The following TTC28 variants were observed in gnomAD, a reference collection of about 807,000 sequenced individuals.
TTC28 encodes the protein tetratricopeptide repeat protein 28.
Under a neutral mutation model 198.0 loss-of-function variants are expected in TTC28, and 61 were observed. The ratio of observed to expected loss-of-function variants is 0.31; its 90% CI spans 0.25 to 0.38. The LOEUF (loss-of-function observed/expected upper bound fraction) is 0.38, where lower values mean the gene tolerates loss of function less well. Ranked by LOEUF, TTC28 falls within the 10% of genes least tolerant of loss-of-function variation. TTC28 has a pLI of 1.00. For missense variants in TTC28, 2,678 were observed against 3,164.0 expected (o/e 0.85, Z 3.69); for synonymous variants, 1,171 against 1,297.8 (o/e 0.90, Z 2.10).
At position 28,083,682 on chromosome 22, in the gene TTC28, C is replaced by T. The variant is rs144249326; in HGVS notation, c.3932+10398G>A. Among the ~76,000 whole-genome samples, 715 of 152,302 alleles carry T rather than the reference C, an allele frequency of 4.7e-3. 3 individuals carry two copies. The highest frequency in any genetic ancestry group is 0.016 in the African/African-American group (685 of 41,578). Reference sequence around the variant, plus strand: ...AGCAGGTGCAGGACAGCGGGTGCAGCGCACCGTGCATGAGATGAAGCAGGG... The same window carrying T: ...AGCAGGTGCAGGACAGCGGGTGCAGTGCACCGTGCATGAGATGAAGCAGGG... On this transcript the variant is annotated intron_variant, in intron 12 of 22. Coordinates refer to ENST00000397906, the MANE Select transcript of TTC28 (RefSeq NM_001145418.2).
intron 2 of TTC28, among the ~76,000 whole-genome samples, chr22:28,460,272 G>A (rs1037219894): frequency 6.6e-6 from 1 of 151,978 alleles, no homozygotes; most frequent in Non-Finnish European, 1.5e-5. Flanking sequence ...GATTGTGGTG[G>A]GATGCTTTTT....
chr22:28,067,902 G>C (rs1940825933), intron 12 of TTC28, among the ~76,000 whole-genome samples: 1 of 152,132 alleles, frequency 6.6e-6, no homozygotes, highest in Non-Finnish European at 1.5e-5. Context: ...GATTTAGGCA[G>C]CTTCAGATTT....
Position 28,222,820 on chromosome 22 carries a change from T to C in TTC28, c.934-59221A>G, listed in dbSNP as rs182020788. The stretch of plus-strand genomic sequence containing the variant: ...TGGCTAGAAACAAGGCCTGAGCCGA[T>C]CTGTACAAGCCCTTTTCAGCCTTTT... On this transcript the variant is annotated intron_variant, in intron 5 of 22. Transcript: ENST00000397906. 3.0e-3 allele frequency among the ~76,000 whole-genome samples: 464 copies of C among 152,318 alleles called. 4 individuals are homozygous for C. Among genetic ancestry groups the C allele is most frequent in the Non-Finnish European group, 4.6e-3 (311 of 68,030 alleles).
At chr22:28,253,480 C>A (rs1387838632) in intron 5 of TTC28, among the ~76,000 whole-genome samples, 1 of 152,148 alleles carries the variant, frequency 6.6e-6, no homozygotes, top group Admixed American at 6.5e-5. Flanking sequence ...TTTGCTCTCT[C>A]CTACATGCAG....
rs749455843 is a variant in TTC28 at position 28,101,292 on chromosome 22, T to G, written c.3308-12A>C. 6.5e-7 allele frequency: 1 copy of G among 1,543,892 alleles called. No individual in the cohort carries two copies. The highest frequency in any genetic ancestry group is 1.2e-5 in the South Asian group (1 of 83,616). ...AGCTAACCTTAAACCTGAAACCAGATAGAGAAATTTAAGGAAACATAGAAG... is the reference window on the plus strand; with the variant it reads ...AGCTAACCTTAAACCTGAAACCAGAGAGAGAAATTTAAGGAAACATAGAAG... On this transcript the variant is annotated splice_polypyrimidine_tract_variant and intron_variant, in intron 8 of 22. Transcript: ENST00000397906.
intron 2 of TTC28, among the ~76,000 whole-genome samples, chr22:28,388,308 G>C (rs1348738899): frequency 6.6e-6 from 1 of 152,198 alleles, no homozygotes; most frequent in African/African-American, 2.4e-5. Flanking sequence ...TTTTGGCTTA[G>C]GAATGACTTG....
chr22:28,456,011 T>C (rs2047853700), intron 2 of TTC28, among the ~76,000 whole-genome samples: 1 of 151,110 alleles, frequency 6.6e-6, no homozygotes, highest in African/African-American at 2.4e-5. Flanking sequence ...TACAATAAAT[T>C]AGCTGGGTGT....
intron 2 of TTC28, among the ~76,000 whole-genome samples, chr22:28,586,278 C>CA (rs1351149710): frequency 4.3e-3 from 352 of 82,552 alleles, no homozygotes; most frequent in Middle Eastern, 0.016. Context: ...GACTCCGTCT[C>CA]AAAAAAAAAA....
chr22:28,078,190 G>A (rs566895793), intron 12 of TTC28, among the ~76,000 whole-genome samples: 7 of 151,854 alleles, frequency 4.6e-5, no homozygotes, highest in South Asian at 4.2e-4. Flanking sequence ...ACTTCCTTTC[G>A]GCAGCAAGAT....
intron 12 of TTC28, among the ~76,000 whole-genome samples, chr22:28,033,575 A>C (rs1939217602): frequency 6.6e-6 from 1 of 152,188 alleles, no homozygotes; most frequent in Admixed American, 6.5e-5. Context: ...CCTTCTTACT[A>C]GCCAATCCCT....
intron 2 of TTC28, among the ~76,000 whole-genome samples, chr22:28,438,016 G>A (rs936091827): frequency 6.6e-6 from 1 of 152,172 alleles, no homozygotes; most frequent in African/African-American, 2.4e-5. Flanking sequence ...CAAAACCTGG[G>A]TCTCTTGGTT....
intron 1 of TTC28, among the ~76,000 whole-genome samples, chr22:28,643,935 G>A (rs1368583478): frequency 6.6e-6 from 1 of 152,172 alleles, no homozygotes; most frequent in Non-Finnish European, 1.5e-5. Context: ...AGTAGGGGAA[G>A]AAACAAGGCA....
At chr22:28,036,580 T>C (rs1307249870) in intron 12 of TTC28, among the ~76,000 whole-genome samples, 4 of 152,278 alleles carry the variant, frequency 2.6e-5, no homozygotes, top group Admixed American at 1.3e-4. Context: ...AGATCTAAAA[T>C]TGACACCCTA....
intron 15 of TTC28, 58 bp downstream of exon 15, chr22:28,001,316 C>A: frequency 6.6e-7 from 1 of 1,511,456 alleles, no homozygotes; most frequent in South Asian, 1.2e-5. Flanking sequence ...ACCAGATAGA[C>A]GGTGCCTCGT....
intron 2 of TTC28, among the ~76,000 whole-genome samples, chr22:28,518,335 G>A (rs1350777892): frequency 6.6e-6 from 1 of 152,110 alleles, no homozygotes; most frequent in Non-Finnish European, 1.5e-5. Flanking sequence ...GTATACAAAG[G>A]CCAGGCATGG....
At chr22:28,355,320 C>T (rs572201000) in intron 2 of TTC28, among the ~76,000 whole-genome samples, 4 of 152,174 alleles carry the variant, frequency 2.6e-5, no homozygotes, top group South Asian at 2.1e-4. Context: ...GGAGTTATCA[C>T]GGAAAGCTTT....
chr22:28,024,216 A>G (rs1046263511), intron 13 of TTC28, among the ~76,000 whole-genome samples: 3 of 152,168 alleles, frequency 2.0e-5, no homozygotes, highest in African/African-American at 7.2e-5. Context: ...CTACCCGCAG[A>G]TAAAGCACCA....
intron 2 of TTC28, among the ~76,000 whole-genome samples, chr22:28,493,280 CG>C (rs1002070699): frequency 8.6e-5 from 13 of 151,870 alleles, no homozygotes; most frequent in African/African-American, 3.1e-4. Context: ...TGCTTGAACC[CG>C]GGAGACAGAG....
intron 5 of TTC28, among the ~76,000 whole-genome samples, chr22:28,183,768 C>G (rs1278417223): frequency 6.6e-6 from 1 of 152,024 alleles, no homozygotes; most frequent in Non-Finnish European, 1.5e-5. Flanking sequence ...TGCCAATTAT[C>G]TATATGCAGG....
Sources: gnomAD v4.1 joint callset for allele counts (sites outside exome capture counted in the v4.1 genomes callset) on GRCh38, gnomAD v4.1.1 for gene constraint, MANE v1.5 for transcripts, NCBI Gene and HGNC (gene_info 2026-07-23, HGNC 2026-07-21) for gene names.